The following PTPRD variants were observed in gnomAD, a reference collection of about 807,000 sequenced individuals.
PTPRD encodes receptor-type tyrosine-protein phosphatase delta.
PTPRD carries 34 observed loss-of-function variants against 214.5 expected under a neutral mutation model. The ratio of observed to expected loss-of-function variants is 0.16; its 90% CI spans 0.12 to 0.21. The LOEUF is 0.21. PTPRD is among the 10% of genes least tolerant of loss of function. PTPRD has a pLI of 1.00. For synonymous variants in PTPRD, 1,128 were observed against 845.7 expected (o/e 1.33, Z -5.79); for missense variants, 2,545 against 2,398.7 (o/e 1.06, Z -1.27).
intron 7 of PTPRD, among the ~76,000 whole-genome samples, chr9:9,603,227 T>C (rs2093909162): frequency 6.6e-6 from 1 of 152,140 alleles, no homozygotes; most frequent in Non-Finnish European, 1.5e-5. Flanking sequence ...GGAATAGCTT[T>C]ATGTTGTCCA....
At chr9:9,618,905 G>GA (rs961268427) in intron 7 of PTPRD, among the ~76,000 whole-genome samples, 4 of 151,354 alleles carry the variant, frequency 2.6e-5, no homozygotes, top group East Asian at 1.9e-4. Context: ...GCAAACAAAG[G>GA]AAAAAAAACC....
intron 6 of PTPRD, among the ~76,000 whole-genome samples, chr9:9,765,809 C>A (rs1181084512): frequency 6.6e-6 from 1 of 151,886 alleles, no homozygotes. Flanking sequence ...TACAGGCACC[C>A]ACCACCACCC....
At chr9:9,365,865 C>T (rs574412039) in intron 9 of PTPRD, among the ~76,000 whole-genome samples, 1 of 151,474 alleles carries the variant, frequency 6.6e-6, no homozygotes, top group South Asian at 2.1e-4. Flanking sequence ...ATACAGCATT[C>T]TTAAAATGAT....
chr9:10,193,444 C>T (rs1008662362), intron 3 of PTPRD, among the ~76,000 whole-genome samples: 1 of 151,658 alleles, frequency 6.6e-6, no homozygotes, highest in Admixed American at 6.6e-5. Context: ...CATGAGAGGT[C>T]GAGAGTTAAA....
intron 9 of PTPRD, among the ~76,000 whole-genome samples, chr9:9,186,409 C>CA (rs2099931513): frequency 6.6e-6 from 1 of 151,986 alleles, no homozygotes; most frequent in African/African-American, 2.4e-5. Flanking sequence ...TGTATATGTT[C>CA]ATGAAGCCTG....
intron 3 of PTPRD, among the ~76,000 whole-genome samples, chr9:10,133,075 G>A (rs527742322): frequency 6.6e-6 from 1 of 152,104 alleles, no homozygotes; most frequent in Non-Finnish European, 1.5e-5. Flanking sequence ...AGATATAGAG[G>A]CAAAGAATTT....
intron 5 of PTPRD, among the ~76,000 whole-genome samples, chr9:9,917,584 T>C (rs2081307514): frequency 6.6e-6 from 1 of 151,866 alleles, no homozygotes; most frequent in African/African-American, 2.4e-5. Flanking sequence ...CCCAAATTAT[T>C]TGTTGAGGTC....
At chr9:9,813,921 G>T (rs2047947911) in intron 5 of PTPRD, among the ~76,000 whole-genome samples, 1 of 151,994 alleles carries the variant, frequency 6.6e-6, no homozygotes, top group Admixed American at 6.6e-5. Context: ...TGATCAATTG[G>T]GATTTATCCC....
chr9:10,299,932 G>C (rs1396066218), intron 3 of PTPRD, among the ~76,000 whole-genome samples: 2 of 151,994 alleles, frequency 1.3e-5, no homozygotes, highest in African/African-American at 4.8e-5. Context: ...CTCTCATATA[G>C]AAAACTTGGT....
chr9:8,934,893 T>A (rs1257787239), intron 11 of PTPRD, among the ~76,000 whole-genome samples: 16 of 152,074 alleles, frequency 1.1e-4, no homozygotes. Context: ...CTTATTTCAC[T>A]TAGCATAATG....
chr9:8,825,763 G>C (rs929496210), intron 11 of PTPRD, among the ~76,000 whole-genome samples: 1 of 151,946 alleles, frequency 6.6e-6, no homozygotes, highest in Non-Finnish European at 1.5e-5. Context: ...TGCTAAACAA[G>C]GGGTGGATTA....
chr9:9,302,787 G>C (rs1955889189), intron 9 of PTPRD, among the ~76,000 whole-genome samples: 1 of 150,908 alleles, frequency 6.6e-6, no homozygotes, highest in Non-Finnish European at 1.5e-5. Flanking sequence ...TTTTTAACTA[G>C]TTAACTCCTA....
At chr9:9,679,665 G>A (rs1332977538) in intron 7 of PTPRD, among the ~76,000 whole-genome samples, 1 of 151,840 alleles carries the variant, frequency 6.6e-6, no homozygotes, top group Non-Finnish European at 1.5e-5. Flanking sequence ...GTAGCTGGGT[G>A]CCCTAGATTC....
At chr9:9,871,343 CCTT>C (rs1315061621) in intron 5 of PTPRD, among the ~76,000 whole-genome samples, 21 of 152,098 alleles carry the variant, frequency 1.4e-4, no homozygotes, top group African/African-American at 4.8e-4. Context: ...GACACAAAAT[CCTT>C]CTGAGAAGTT....
chr9:8,357,260 T>G (rs2077202585), intron 39 of PTPRD, among the ~76,000 whole-genome samples: 1 of 152,192 alleles, frequency 6.6e-6, no homozygotes, highest in Non-Finnish European at 1.5e-5. Flanking sequence ...TTTCCTAACT[T>G]TACCAGAAAA....
chr9:8,437,634 C>T (rs1166812681), intron 34 of PTPRD, among the ~76,000 whole-genome samples: 3 of 152,098 alleles, frequency 2.0e-5, no homozygotes, highest in Non-Finnish European at 4.4e-5. Flanking sequence ...TATTTTGCCC[C>T]AGGTCCCCAT....
At chr9:10,437,668 G>T (rs961721491) in intron 2 of PTPRD, among the ~76,000 whole-genome samples, 11 of 151,644 alleles carry the variant, frequency 7.3e-5, no homozygotes, top group African/African-American at 2.7e-4. Flanking sequence ...CAAACCTACA[G>T]TGTAAGACCT....
chr9:9,079,872 C>A (rs1034935210), intron 10 of PTPRD, among the ~76,000 whole-genome samples: 1 of 151,952 alleles, frequency 6.6e-6, no homozygotes, highest in African/African-American at 2.4e-5. Context: ...ATGAGTTTAC[C>A]AGATTAATAC....
At chr9:8,476,643 T>A (rs542329206) in intron 30 of PTPRD, among the ~76,000 whole-genome samples, 1 of 152,346 alleles carries the variant, frequency 6.6e-6, no homozygotes, top group East Asian at 1.9e-4. Context: ...CCATTTTTAA[T>A]CTATACATTT....
Sources: gnomAD v4.1 joint callset for allele counts (sites outside exome capture counted in the v4.1 genomes callset) on GRCh38, gnomAD v4.1.1 for gene constraint, MANE v1.5 for transcripts, NCBI Gene and HGNC (gene_info 2026-07-23, HGNC 2026-07-21) for gene names.